The following PIGU variants were observed in gnomAD, a reference collection of about 807,000 sequenced individuals.
PIGU encodes phosphatidylinositol glycan anchor biosynthesis class U, also known as GPI-anchor transamidase component PIGU.
PIGU carries 24 observed loss-of-function variants against 49.9 expected under a neutral mutation model. That is an observed-to-expected ratio of 0.48 (90% confidence interval 0.35 to 0.68). PIGU has a LOEUF of 0.68. Ranked by LOEUF, PIGU falls within the 30% of genes least tolerant of loss-of-function variation. The probability of loss-of-function intolerance (pLI) is 0.01; values close to 1 mark genes in which losing one functional copy is unlikely to be tolerated. For missense variants in PIGU, 490 were observed against 532.6 expected (o/e 0.92, Z 0.79); for synonymous variants, 220 against 205.7 (o/e 1.07, Z -0.59).
At chr20:34,652,731 T>A (rs1260071356) in intron 2 of PIGU, among the ~76,000 whole-genome samples, 8 of 152,184 alleles carry the variant, frequency 5.3e-5, no homozygotes, top group African/African-American at 1.2e-4. Context: ...TAATTAAGAA[T>A]ATGTTACTCA....
At chr20:34,673,754 G>T (rs577280035) in intron 1 of PIGU, among the ~76,000 whole-genome samples, 2 of 152,236 alleles carry the variant, frequency 1.3e-5, no homozygotes, top group South Asian at 4.1e-4. Context: ...AAACACTGAC[G>T]TTAGAATTCA....
chr20:34,611,681 A>C (rs1201649527), intron 7 of PIGU, among the ~76,000 whole-genome samples: 29 of 150,524 alleles, frequency 1.9e-4, no homozygotes, highest in Non-Finnish European at 7.4e-5. Context: ...AAAAAAAAAA[A>C]CCAAACATCA....
chr20:34,567,040 C>G (rs1465219236), intron 11 of PIGU, among the ~76,000 whole-genome samples: 1 of 152,246 alleles, frequency 6.6e-6, no homozygotes, highest in Non-Finnish European at 1.5e-5. Context: ...GGTGCTATCA[C>G]CCAGGCATGT....
At chr20:34,623,609 G>A (rs968343411) in intron 6 of PIGU, among the ~76,000 whole-genome samples, 1 of 152,204 alleles carries the variant, frequency 6.6e-6, no homozygotes, top group African/African-American at 2.4e-5. Context: ...CAGACCCCAT[G>A]TTCTGACTGC....
At chr20:34,665,172 C>A (rs906388774) in intron 1 of PIGU, among the ~76,000 whole-genome samples, 17 of 145,354 alleles carry the variant, frequency 1.2e-4, no homozygotes, top group African/African-American at 4.4e-4. Flanking sequence ...ATTACAGATG[C>A]ACACCACCAT....
intron 6 of PIGU, among the ~76,000 whole-genome samples, chr20:34,626,116 A>C (rs1985479630): frequency 6.6e-6 from 1 of 151,886 alleles, no homozygotes; most frequent in Non-Finnish European, 1.5e-5. Context: ...AGTATTTTCT[A>C]ATTTTTCCAG....
At chr20:34,573,165 C>T (rs1430066184) in intron 11 of PIGU, among the ~76,000 whole-genome samples, 1 of 152,054 alleles carries the variant, frequency 6.6e-6, no homozygotes, top group African/African-American at 2.4e-5. Flanking sequence ...CCATATTCTT[C>T]TATTTTGTTT....
intron 2 of PIGU, among the ~76,000 whole-genome samples, chr20:34,651,843 C>T (rs963159900): frequency 6.6e-6 from 1 of 152,062 alleles, no homozygotes; most frequent in Non-Finnish European, 1.5e-5. Context: ...GTGGCTCACA[C>T]CTGCAATCAC....
At chr20:34,622,645 C>G (rs1357437041) in intron 6 of PIGU, among the ~76,000 whole-genome samples, 4 of 152,210 alleles carry the variant, frequency 2.6e-5, no homozygotes, top group Non-Finnish European at 5.9e-5. Flanking sequence ...GACAGGATAC[C>G]TGAAATCATG....
intron 6 of PIGU, among the ~76,000 whole-genome samples, chr20:34,622,298 C>A (rs879307885): frequency 6.6e-6 from 1 of 152,050 alleles, no homozygotes; most frequent in Non-Finnish European, 1.5e-5. Context: ...GAGGGTGGAT[C>A]ACAAGGTCAG....
chr20:34,560,868 A>G lies in PIGU; in HGVS notation c.1306T>C (p.Ter436GlnextTer90). 1.2e-6 allele frequency: 2 copies of G among 1,601,508 alleles called. No homozygotes were observed. Among genetic ancestry groups the G allele is most frequent in the South Asian group, 1.1e-5 (1 of 90,260 alleles). Residue 436 changes from the stop codon to glutamine, a stop_lost, in exon 12 of 12, where the codon TAG becomes CAG. Coordinates refer to ENST00000217446, the MANE Select transcript of PIGU (RefSeq NM_080476.5). ...ATGCAGCCCTGTGCCAGCCAGGCCT[A>G]CTTGAGCACGAGCATGGCCTCTGTG... ...DGTEAMLVLK[*>Q] is the part of the protein sequence containing the mutation.
intron 10 of PIGU, among the ~76,000 whole-genome samples, chr20:34,580,749 T>C (rs1983425218): frequency 6.6e-6 from 1 of 152,196 alleles, no homozygotes; most frequent in Non-Finnish European, 1.5e-5. Flanking sequence ...CAAAGGTGAA[T>C]GAGTTGTGAT....
chr20:34,560,954 T>C lies in PIGU; in HGVS notation c.1220A>G (p.Tyr407Cys), dbSNP rs202231071. 84 of 1,611,876 alleles carry C rather than the reference T, an allele frequency of 5.2e-5. No homozygotes were observed. The highest frequency in any genetic ancestry group is 5.9e-5 in the Non-Finnish European group (69 of 1,178,214). The change falls in exon 12 of 12, where the codon TAT becomes TGT. Residue 407 changes from tyrosine to cysteine, a missense_variant. Physicochemically the swap from Tyr to Cys is radical, Grantham distance 194 (BLOSUM62 -2). Coordinates refer to ENST00000217446, the MANE Select transcript of PIGU (RefSeq NM_080476.5). Reference sequence around the variant, plus strand: ...GTAGTACTCCCGCCGCAGGAAGGCATAGAAGTAATCAGAGATGAGCAGGAT... The same window carrying C: ...GTAGTACTCCCGCCGCAGGAAGGCACAGAAGTAATCAGAGATGAGCAGGAT... ...GQILLISDYFYAFLRREYYLT... is the reference protein window; with the variant it reads ...GQILLISDYFCAFLRREYYLT...
intron 7 of PIGU, among the ~76,000 whole-genome samples, chr20:34,607,551 T>G (rs1285787125): frequency 2.0e-5 from 3 of 152,208 alleles, no homozygotes; most frequent in Non-Finnish European, 4.4e-5. Flanking sequence ...ACAGCCACTT[T>G]CATCAGCAAT....
chr20:34,591,405 A>G (rs1294505764), intron 7 of PIGU, among the ~76,000 whole-genome samples: 1 of 152,204 alleles, frequency 6.6e-6, no homozygotes, highest in Non-Finnish European at 1.5e-5. Flanking sequence ...GTTTAATCTC[A>G]TAAGATCTTA....
intron 2 of PIGU, among the ~76,000 whole-genome samples, chr20:34,650,552 A>C (rs1986500339): frequency 6.6e-6 from 1 of 152,110 alleles, no homozygotes; most frequent in African/African-American, 2.4e-5. Flanking sequence ...TACAAGCGTG[A>C]GCCACTGCAT....
At chr20:34,666,608 C>A (rs1987104093) in intron 1 of PIGU, among the ~76,000 whole-genome samples, 2 of 151,190 alleles carry the variant, frequency 1.3e-5, no homozygotes, top group Admixed American at 6.6e-5. Context: ...CAGCTCACTG[C>A]AGCCTTAACC....
intron 7 of PIGU, among the ~76,000 whole-genome samples, chr20:34,602,837 A>G (rs1914420729): frequency 6.6e-6 from 1 of 152,146 alleles, no homozygotes; most frequent in Non-Finnish European, 1.5e-5. Flanking sequence ...CCCTGATCCA[A>G]CCACAATCCC....
At chr20:34,579,694 C>T (rs1384500046) in intron 10 of PIGU, among the ~76,000 whole-genome samples, 1 of 152,210 alleles carries the variant, frequency 6.6e-6, no homozygotes. Flanking sequence ...CCTGAACCTG[C>T]AGACTATGTG....
Sources: gnomAD v4.1 joint callset for allele counts (sites outside exome capture counted in the v4.1 genomes callset) on GRCh38, gnomAD v4.1.1 for gene constraint, MANE v1.5 for transcripts, NCBI Gene and HGNC (gene_info 2026-07-23, HGNC 2026-07-21) for gene names.